The following NRG3 variants were observed in gnomAD, a reference collection of about 807,000 sequenced individuals.
The protein encoded by NRG3 is neuregulin 3.
Under a neutral mutation model 66.9 loss-of-function variants are expected in NRG3, and 31 were observed. That is an observed-to-expected ratio of 0.46 (90% CI 0.35 to 0.63). The LOEUF (loss-of-function observed/expected upper bound fraction) is 0.63. NRG3 is among the 20% of genes least tolerant of loss of function. The pLI is 0.00. For synonymous variants in NRG3, 393 were observed against 359.4 expected, an observed-to-expected ratio of 1.09 and a Z score of -1.06; for missense variants, 910 against 878.9, an observed-to-expected ratio of 1.04 and a Z score of -0.45.
At chr10:82,522,792 C>T (rs571554785) in intron 2 of NRG3, among the ~76,000 whole-genome samples, 25 of 151,656 alleles carry the variant, frequency 1.6e-4, no homozygotes, top group African/African-American at 6.0e-4. Context: ...TAATTCCTGT[C>T]GTACAATTTA....
At chr10:81,977,591 T>C (rs528983487) in intron 1 of NRG3, among the ~76,000 whole-genome samples, 1 of 152,334 alleles carries the variant, frequency 6.6e-6, no homozygotes, top group African/African-American at 2.4e-5. Flanking sequence ...TTTTTACTAG[T>C]ACCATGGTTT....
intron 3 of NRG3, among the ~76,000 whole-genome samples, chr10:82,796,131 A>G (rs1382588550): frequency 6.6e-6 from 1 of 152,106 alleles, no homozygotes; most frequent in Non-Finnish European, 1.5e-5. Flanking sequence ...GAGCTTCTCA[A>G]ACTGTGTTGT....
intron 2 of NRG3, among the ~76,000 whole-genome samples, chr10:82,592,155 A>G (rs1486409317): frequency 1.3e-5 from 2 of 152,216 alleles, no homozygotes; most frequent in African/African-American, 4.8e-5. Flanking sequence ...AGTGAAACAT[A>G]AGATTATTTA....
chr10:82,542,987 G>A (rs1389157701), intron 2 of NRG3, among the ~76,000 whole-genome samples: 2 of 151,822 alleles, frequency 1.3e-5, no homozygotes, highest in Non-Finnish European at 2.9e-5. Context: ...CACCTCCCGG[G>A]TTCAAGCAGT....
At chr10:82,812,372 A>G (rs535495765) in intron 3 of NRG3, among the ~76,000 whole-genome samples, 2 of 152,182 alleles carry the variant, frequency 1.3e-5, no homozygotes, top group Non-Finnish European at 2.9e-5. Flanking sequence ...AATTACTAGA[A>G]CCAACCAACC....
At chr10:82,582,123 G>A (rs1455086054) in intron 2 of NRG3, among the ~76,000 whole-genome samples, 1 of 152,000 alleles carries the variant, frequency 6.6e-6, no homozygotes, top group Non-Finnish European at 1.5e-5. Flanking sequence ...GGATTTGTTT[G>A]AATATTTATA....
chr10:82,472,235 T>C (rs1841335641), intron 2 of NRG3, among the ~76,000 whole-genome samples: 1 of 152,154 alleles, frequency 6.6e-6, no homozygotes, highest in African/African-American at 2.4e-5. Context: ...TTGAACACAT[T>C]TTATTCGAAA....
intron 1 of NRG3, among the ~76,000 whole-genome samples, chr10:81,916,522 T>C (rs576316650): frequency 1.2e-4 from 19 of 152,246 alleles, no homozygotes; most frequent in African/African-American, 2.6e-4. Flanking sequence ...GACATTGGCA[T>C]TGGGGGGCTT....
chr10:82,476,704 T>C (rs191545872), intron 2 of NRG3, among the ~76,000 whole-genome samples: 1 of 152,172 alleles, frequency 6.6e-6, no homozygotes, highest in African/African-American at 2.4e-5. Flanking sequence ...GGGATGTGTA[T>C]AGAGGGAAAT....
chr10:82,148,148 GATTC>G (rs2132728300), intron 1 of NRG3, among the ~76,000 whole-genome samples: 1 of 152,164 alleles, frequency 6.6e-6, no homozygotes, highest in Non-Finnish European at 1.5e-5. Context: ...TGAAAACTTA[GATTC>G]CTAGAATTGT....
chr10:82,745,093 A>G (rs1009219142), intron 3 of NRG3, among the ~76,000 whole-genome samples: 1 of 152,170 alleles, frequency 6.6e-6, no homozygotes, highest in African/African-American at 2.4e-5. Flanking sequence ...ATTGCTAAGG[A>G]AATATAAAAA....
intron 1 of NRG3, among the ~76,000 whole-genome samples, chr10:82,087,032 A>G (rs2133469547): frequency 6.6e-6 from 1 of 152,240 alleles, no homozygotes; most frequent in South Asian, 2.1e-4. Context: ...GGTGAACTTT[A>G]CAAGATAAAT....
At chr10:82,033,396 C>G (rs2062657818) in intron 1 of NRG3, among the ~76,000 whole-genome samples, 1 of 151,974 alleles carries the variant, frequency 6.6e-6, no homozygotes, top group African/African-American at 2.4e-5. Flanking sequence ...AAGCATGTAC[C>G]ATAAGAAGCC....
At chr10:82,071,240 T>C (rs1225096941) in intron 1 of NRG3, among the ~76,000 whole-genome samples, 2 of 152,158 alleles carry the variant, frequency 1.3e-5, no homozygotes, top group African/African-American at 4.8e-5. Flanking sequence ...CTTGTCATAC[T>C]AGAGAACCAA....
chr10:81,948,238 G>A (rs904355829), intron 1 of NRG3, among the ~76,000 whole-genome samples: 4 of 152,086 alleles, frequency 2.6e-5, no homozygotes, highest in Non-Finnish European at 5.9e-5. Flanking sequence ...AACATTGAGG[G>A]AAAAGCGAGA....
At chr10:82,585,609 G>A (rs192901525) in intron 2 of NRG3, among the ~76,000 whole-genome samples, 2 of 152,192 alleles carry the variant, frequency 1.3e-5, no homozygotes, top group Middle Eastern at 3.4e-3. Context: ...TTCTTAAATA[G>A]CCATTGCTGT....
chr10:82,943,980 G>A (rs551858894), intron 4 of NRG3, among the ~76,000 whole-genome samples: 1 of 152,230 alleles, frequency 6.6e-6, no homozygotes, highest in African/African-American at 2.4e-5. Flanking sequence ...TAGCATACTT[G>A]CAGTCACTCA....
At chr10:82,939,503 C>T (rs2132248991) in intron 4 of NRG3, among the ~76,000 whole-genome samples, 1 of 151,838 alleles carries the variant, frequency 6.6e-6, no homozygotes, top group African/African-American at 2.4e-5. Flanking sequence ...ACGGAGCCTC[C>T]CTCTGTCACC....
intron 2 of NRG3, among the ~76,000 whole-genome samples, chr10:82,694,061 G>A (rs1053599240): frequency 6.6e-6 from 1 of 152,058 alleles, no homozygotes; most frequent in Admixed American, 6.6e-5. Flanking sequence ...GTGCTGATTG[G>A]TGCATTTAGA....
Sources: allele counts gnomAD v4.1 joint callset (sites outside exome capture counted in the v4.1 genomes callset), GRCh38; gene constraint gnomAD v4.1.1; transcripts MANE v1.5; gene names NCBI Gene and HGNC (gene_info 2026-07-23, HGNC 2026-07-21).